Variants in ZFHX3 observed in about 807,000 individuals in gnomAD.
The protein encoded by ZFHX3 is zinc finger homeobox 3, also known as zinc finger homeobox protein 3.
In ZFHX3, 42 loss-of-function variants were observed where a neutral mutation model predicts 279.1. That is an observed-to-expected ratio of 0.15 (90% CI 0.12 to 0.19). The LOEUF (loss-of-function observed/expected upper bound fraction) is 0.19, where lower values mean the gene tolerates loss of function less well. Among genes scored for constraint, ZFHX3 ranks in the 10% least tolerant of loss-of-function variants. The probability of loss-of-function intolerance (pLI) is 1.00; values close to 1 mark genes in which losing one functional copy is unlikely to be tolerated. For synonymous variants in ZFHX3, 2,293 were observed against 1,957.8 expected (o/e 1.17, Z -4.52); for missense variants, 4,981 against 4,754.0 (o/e 1.05, Z -1.40).
chr16:73,404,066 C>G (rs970744255), intron 3 of ZFHX3, among the ~76,000 whole-genome samples: 2 of 152,070 alleles, frequency 1.3e-5, no homozygotes, highest in Non-Finnish European at 2.9e-5. Context: ...ACCAAAAATG[C>G]TTTTTGCACC....
rs980954965 is a variant in ZFHX3, at chr16:73,795,793, C to T, written c.-1608+95858G>A. ...TGTTTAAAAGTGTGAGTTAAGAGGT[C>T]CCTCTGGGCATGACTGAAATACAAA... On this transcript the variant is annotated intron_variant, in intron 1 of 17. Transcript: ENST00000641206. 3.9e-5 allele frequency among the ~76,000 whole-genome samples: 6 copies of T among 152,292 alleles called. No individual in the cohort carries two copies. The South Asian group carries it at 1.2e-3, about 32-fold the overall frequency.
At chr16:72,882,934 T>C (rs1190818769) in intron 4 of ZFHX3, among the ~76,000 whole-genome samples, 1 of 151,128 alleles carries the variant, frequency 6.6e-6, no homozygotes, top group Non-Finnish European at 1.5e-5. Flanking sequence ...TACAAAGGTT[T>C]CTTCTATGAG....
At chr16:73,266,243 T>C (rs1003437568) in intron 4 of ZFHX3, among the ~76,000 whole-genome samples, 1 of 152,254 alleles carries the variant, frequency 6.6e-6, no homozygotes, top group Non-Finnish European at 1.5e-5. Flanking sequence ...AGTATTTTTA[T>C]AAACCTATCA....
At position 72,889,810 on chromosome 16, in the gene ZFHX3, C is replaced by G. The variant is rs1022557386; in HGVS notation, c.3369G>C (p.Arg1123=). The change falls in exon 4 of 10, where the codon CGG becomes CGC. Residue 1123 remains arginine (R), a synonymous_variant. Transcript: ENST00000268489. ...CCTCCTCTGGAAGGCCCTTCTGCAG[C>G]CGCTGCAGCTTTCGCAGGCTCTCGC... ...QRSESLRKLQ[R]LQKGLPEEDE... 1.9e-6 allele frequency: 3 copies of G among 1,613,710 alleles called. No individual in the cohort carries two copies. Among genetic ancestry groups the G allele is most frequent in the Non-Finnish European group, 2.5e-6 (3 of 1,180,050 alleles).
intron 5 of ZFHX3, among the ~76,000 whole-genome samples, chr16:73,154,152 C>T (rs542348666): frequency 6.6e-6 from 1 of 152,304 alleles, no homozygotes; most frequent in East Asian, 1.9e-4. Context: ...CTTGCTTTCT[C>T]ACTTCCCTTG....
At chr16:73,889,521 G>A (rs1185873682) in intron 1 of ZFHX3, among the ~76,000 whole-genome samples, 2 of 152,184 alleles carry the variant, frequency 1.3e-5, no homozygotes, top group Non-Finnish European at 2.9e-5. Flanking sequence ...ATGGAAAAAG[G>A]CGAACAAACA....
intron 2 of ZFHX3, among the ~76,000 whole-genome samples, chr16:73,522,423 G>T (rs186411285): frequency 6.6e-6 from 1 of 152,176 alleles, no homozygotes; most frequent in African/African-American, 2.4e-5. Context: ...GCTAAGGAAT[G>T]GGGGGAGTTC....
chr16:73,714,156 T>G (rs559769680), intron 1 of ZFHX3, among the ~76,000 whole-genome samples: 2 of 152,154 alleles, frequency 1.3e-5, no homozygotes, highest in African/African-American at 2.4e-5. Context: ...GCTGCTTGGG[T>G]GACCCACATC....
chr16:73,505,338 G>C (rs74523785), intron 2 of ZFHX3, among the ~76,000 whole-genome samples: 1 of 152,064 alleles, frequency 6.6e-6, no homozygotes, highest in African/African-American at 2.4e-5. Context: ...GAAAGCTTAC[G>C]TCACTTACAA....
At chr16:73,710,541 C>A (rs1025666985) in intron 1 of ZFHX3, among the ~76,000 whole-genome samples, 1 of 152,178 alleles carries the variant, frequency 6.6e-6, no homozygotes, top group South Asian at 2.1e-4. Flanking sequence ...GAGTTTTTAC[C>A]CCTTCCCTAA....
intron 3 of ZFHX3, among the ~76,000 whole-genome samples, chr16:73,342,635 C>T (rs2016055382): frequency 6.6e-6 from 1 of 152,096 alleles, no homozygotes; most frequent in African/African-American, 2.4e-5. Flanking sequence ...AAGTATCTAC[C>T]TATTTTAACA....
chr16:72,889,154 T>C (rs1368178584), intron 4 of ZFHX3, among the ~76,000 whole-genome samples: 3 of 151,986 alleles, frequency 2.0e-5, no homozygotes, highest in Admixed American at 1.3e-4. Context: ...TCTCGACGCA[T>C]TGAAGCAGCA....
intron 8 of ZFHX3, among the ~76,000 whole-genome samples, chr16:73,088,030 G>T (rs572732529): frequency 6.6e-6 from 1 of 152,110 alleles, no homozygotes; most frequent in Admixed American, 6.5e-5. Flanking sequence ...GTTTCTCCAT[G>T]TTGGCCAGGC....
At position 73,524,562 on chromosome 16, in the gene ZFHX3, T is replaced by G. The variant is rs1347303183; in HGVS notation, c.-1546-68304A>C. On this transcript the variant is annotated intron_variant, in intron 2 of 17. Coordinates refer to the ZFHX3 transcript ENST00000641206. Reference sequence around the variant, plus strand: ...GTTCTGATTCGCATGTTCTTGATTCTCACGTTCTGGAATGAATGAACTAAT... The same window carrying G: ...GTTCTGATTCGCATGTTCTTGATTCGCACGTTCTGGAATGAATGAACTAAT... 1.3e-5 allele frequency among the ~76,000 whole-genome samples: 2 copies of G among 152,228 alleles called. 1 individual carries two copies. Among genetic ancestry groups the G allele is most frequent in the East Asian group, 3.8e-4 (2 of 5,200 alleles).
chr16:73,784,011 G>C (rs1274940388), intron 1 of ZFHX3, among the ~76,000 whole-genome samples: 3 of 152,106 alleles, frequency 2.0e-5, no homozygotes, highest in African/African-American at 7.2e-5. Flanking sequence ...GGGAAAGCAA[G>C]AAAGGATGTT....
chr16:73,635,562 C>G (rs2052520313), intron 2 of ZFHX3, among the ~76,000 whole-genome samples: 2 of 152,136 alleles, frequency 1.3e-5, no homozygotes, highest in Admixed American at 1.3e-4. Context: ...CTACTGTTAT[C>G]CCAGAAAAAT....
chr16:72,824,286 C>T (rs2036878351), intron 5 of ZFHX3, among the ~76,000 whole-genome samples: 1 of 152,194 alleles, frequency 6.6e-6, no homozygotes, highest in Non-Finnish European at 1.5e-5. Flanking sequence ...TCACCCAGAC[C>T]TTGCCAGCCC....
chr16:72,880,510 C>A (rs1239056058), intron 4 of ZFHX3, among the ~76,000 whole-genome samples: 1 of 152,140 alleles, frequency 6.6e-6, no homozygotes, highest in Non-Finnish European at 1.5e-5. Flanking sequence ...GCCAAAACTG[C>A]CGGCACCTGG....
chr16:73,525,041 C>A (rs1196553774), intron 2 of ZFHX3, among the ~76,000 whole-genome samples: 1 of 152,036 alleles, frequency 6.6e-6, no homozygotes. Flanking sequence ...GCCGTAAAGA[C>A]ACAAGGAAAA....
Sources: gnomAD v4.1 joint callset for allele counts (sites outside exome capture counted in the v4.1 genomes callset) on GRCh38, gnomAD v4.1.1 for gene constraint, MANE v1.5 for transcripts, NCBI Gene and HGNC (gene_info 2026-07-23, HGNC 2026-07-21) for gene names.